The following HEATR4 variants were observed in gnomAD, a reference collection of about 807,000 sequenced individuals.
The protein encoded by HEATR4 is HEAT repeat-containing protein 4.
Under a neutral mutation model 108.8 loss-of-function variants are expected in HEATR4, and 95 were observed. The observed-to-expected ratio is 0.87, with a 90% CI of 0.74 to 1.04. The LOEUF (loss-of-function observed/expected upper bound fraction) is 1.04, where lower values mean the gene tolerates loss of function less well. Ranked by LOEUF, HEATR4 falls within the 50% of genes least tolerant of loss-of-function variation. The pLI is 0.00. For missense variants in HEATR4, 1,152 were observed against 1,253.8 expected (o/e 0.92, Z 1.23); for synonymous variants, 443 against 459.4 (o/e 0.96, Z 0.46).
At chr14:73,584,037 T>A in the HEATR4 span, among the ~76,000 whole-genome samples, 1 of 151,602 alleles carries the variant, frequency 6.6e-6, no homozygotes, top group Non-Finnish European at 1.5e-5. Context: ...TGTATGACCT[T>A]TCCAGGACAC....
At chr14:73,587,537 G>C in the HEATR4 span, among the ~76,000 whole-genome samples, 1 of 152,098 alleles carries the variant, frequency 6.6e-6, no homozygotes, top group Non-Finnish European at 1.5e-5. Context: ...TGCATTTTTA[G>C]TAAAGACGGG....
In HEATR4 at chr14:73,546,762, C is replaced by G. The variant is rs1889238938; in HGVS notation, c.-152+11989G>C. 1.8e-5 allele frequency among the ~76,000 whole-genome samples: 2 copies of G among 112,036 alleles called. 1 individual carries two copies. Among genetic ancestry groups the G allele is most frequent in the Non-Finnish European group, 3.9e-5 (2 of 51,198 alleles). 73.5% of individuals were successfully genotyped at this position (112,036 alleles called of 152,430 possible). A position where few individuals can be genotyped will look rare whatever the true frequency, so the allele number is the denominator to read the frequency against. On this transcript the variant is annotated intron_variant, in intron 1 of 17. Transcript: ENST00000553558. ...GAAATACACAGAAAAGTTCATTAAA[C>G]TAACATGCTCCATAATGATTCACTT... is the stretch of plus-strand genomic sequence containing the variant.
At chr14:73,521,301 A>T (rs990916690) in intron 3 of HEATR4, among the ~76,000 whole-genome samples, 2 of 152,120 alleles carry the variant, frequency 1.3e-5, no homozygotes, top group African/African-American at 4.8e-5. Context: ...AGCAGGGCAG[A>T]GTGGCGGTGC....
intron 17 of HEATR4, chr14:73,491,151 GTGT>G (rs1885696540): frequency 1.2e-6 from 2 of 1,607,768 alleles, no homozygotes. Context: ...CAGCTGCGAA[GTGT>G]TGTATCCCGC....
the HEATR4 span, chr14:73,591,597 T>A: frequency 0.015 from 3,351 of 225,080 alleles, 118 homozygotes; most frequent in African/African-American, 0.071. Context: ...AAGGCTGGAA[T>A]TTGGCTTGAT....
In HEATR4 at chr14:73,547,477, C is replaced by A. The variant is rs1301299371; in HGVS notation, c.-152+11274G>T. 5.7e-4 allele frequency among the ~76,000 whole-genome samples: 66 copies of A among 115,644 alleles called. 23 individuals are homozygous for A. In the Admixed American group the frequency reaches 6.5e-3, roughly 11 times the overall value. The allele number at this position is 115,644 out of a possible 152,430, so 75.9% of individuals were successfully genotyped here. ...TCCCACCTTGGCATCTCCCAAAGTG[C>A]TGGGATTACAGGCAATCACCACTGC... On this transcript the variant is annotated intron_variant, in intron 1 of 17. Transcript: ENST00000553558.
At chr14:73,584,420 G>A in the HEATR4 span, among the ~76,000 whole-genome samples, 14 of 151,802 alleles carry the variant, frequency 9.2e-5, no homozygotes, top group South Asian at 2.1e-4. Context: ...GTACAGATTC[G>A]CCACCAGTAA....
intron 7 of HEATR4, among the ~76,000 whole-genome samples, chr14:73,511,552 TAAATAAA>T (rs1182872432): frequency 7.8e-6 from 1 of 128,806 alleles, no homozygotes; most frequent in African/African-American, 2.9e-5. Context: ...AATAAATAAA[TAAATAAA>T]TAAATAAAAT....
At chr14:73,591,796 C>T in the HEATR4 span, 2 of 607,716 alleles carry the variant, frequency 3.3e-6, no homozygotes, top group East Asian at 3.5e-5. Flanking sequence ...TCCGGAGCGC[C>T]GGGTTAACCG....
At chr14:73,598,896 C>T in the HEATR4 span, among the ~76,000 whole-genome samples, 4 of 151,760 alleles carry the variant, frequency 2.6e-5, no homozygotes, top group Admixed American at 2.0e-4. Flanking sequence ...CTCAGCTACT[C>T]AGGAGGCTGA....
the HEATR4 span, chr14:73,569,458 G>A: frequency 3.7e-6 from 6 of 1,613,538 alleles, no homozygotes; most frequent in South Asian, 2.2e-5. Flanking sequence ...GAGCCTGCGG[G>A]CCGCTGCTGC....
the HEATR4 span, among the ~76,000 whole-genome samples, chr14:73,573,231 C>T: frequency 6.6e-6 from 1 of 151,720 alleles, no homozygotes. Context: ...TAAACACTTG[C>T]CAGAGGTTTC....
chr14:73,514,121 T>C lies in HEATR4; in HGVS notation c.1324A>G (p.Lys442Glu). 6.2e-7 allele frequency: 1 copy of C among 1,613,808 alleles called. No individual in the cohort carries two copies. Among genetic ancestry groups the C allele is most frequent in the Non-Finnish European group, 8.5e-7 (1 of 1,179,870 alleles). Reference sequence around the variant, plus strand: ...TCCTCCTGCAGTGATTTTGCCTGCTTCTTCAATCTCCTGGTCTTAATAGGC... The same window carrying C: ...TCCTCCTGCAGTGATTTTGCCTGCTCCTTCAATCTCCTGGTCTTAATAGGC... Reference protein sequence around the residue: ...DVPIKTRRLKKQAKSLQEDVT... With the variant: ...DVPIKTRRLKEQAKSLQEDVT... Residue 442 changes from lysine (K) to glutamate (E), a missense_variant, in exon 6 of 18, where the codon AAG (lysine) becomes GAG (glutamate). Transcript: ENST00000553558.
At chr14:73,600,279 G>A in the HEATR4 span, among the ~76,000 whole-genome samples, 11 of 151,952 alleles carry the variant, frequency 7.2e-5, no homozygotes, top group African/African-American at 2.7e-4. Flanking sequence ...GTAGCTTTTG[G>A]TTCTACCTCC....
chr14:73,502,742 T>C (rs1886550289), intron 11 of HEATR4, among the ~76,000 whole-genome samples, 153 bp downstream of exon 11: 1 of 151,942 alleles, frequency 6.6e-6, no homozygotes, highest in Non-Finnish European at 1.5e-5. Flanking sequence ...AAAGACAGGG[T>C]TTTACTGTGT....
chr14:73,605,094 G>C, the HEATR4 span, among the ~76,000 whole-genome samples: 6 of 147,402 alleles, frequency 4.1e-5, no homozygotes, highest in South Asian at 4.3e-4. Context: ...TCAGTTAACT[G>C]AGAAGAAAAA....
At chr14:73,501,754 TTTA>T (rs1403012015) in intron 11 of HEATR4, among the ~76,000 whole-genome samples, 2 of 151,280 alleles carry the variant, frequency 1.3e-5, no homozygotes, top group South Asian at 2.1e-4. Context: ...TTTATTTTAT[TTTA>T]TTATTATTAT....
At chr14:73,574,555 T>G in the HEATR4 span, 248 of 441,150 alleles carry the variant, frequency 5.6e-4, 3 homozygotes, top group Non-Finnish European at 7.9e-4. Flanking sequence ...CAGCCACCAC[T>G]CCCGGCCATG....
the HEATR4 span, chr14:73,571,539 G>A: frequency 6.6e-6 from 1 of 152,004 alleles, no homozygotes; most frequent in South Asian, 2.1e-4. Flanking sequence ...AGGTCCGGCA[G>A]CAGGGTGAGG....
Sources: allele counts gnomAD v4.1 joint callset (sites outside exome capture counted in the v4.1 genomes callset), GRCh38; gene constraint gnomAD v4.1.1; transcripts MANE v1.5; gene names NCBI Gene and HGNC (gene_info 2026-07-23, HGNC 2026-07-21).